Variants in DCX observed in about 807,000 individuals in gnomAD.
DCX encodes doublecortin.
Under a neutral mutation model 20.9 loss-of-function variants are expected in DCX, and 4 were observed. That is an observed-to-expected ratio of 0.19 (90% CI 0.09 to 0.44). DCX has a LOEUF of 0.44. DCX is among the 20% of genes least tolerant of loss of function. The pLI, the probability that DCX is intolerant of heterozygous loss-of-function variation, is 0.99. For missense variants in DCX, 133 were observed against 296.9 expected (o/e 0.45, Z 4.06); for synonymous variants, 103 against 111.4 (o/e 0.92, Z 0.47).
At chrX:111,380,023 G>T (rs1925847955) in intron 3 of DCX, among the ~76,000 whole-genome samples, 1 of 111,006 alleles carries the variant, frequency 9.0e-6, no homozygotes, top group African/African-American at 3.3e-5. Context: ...TTTTAAAATT[G>T]GACTATTATC....
chrX:111,310,606 T>G (rs1252676461), intron 6 of DCX, among the ~76,000 whole-genome samples: 1 of 112,040 alleles, frequency 8.9e-6, no homozygotes, highest in African/African-American at 3.2e-5. Context: ...ATTTAAATGT[T>G]TACTTTATTT....
intron 3 of DCX, among the ~76,000 whole-genome samples, chrX:111,337,827 G>A (rs1425146132): frequency 8.9e-6 from 1 of 112,203 alleles, no homozygotes; most frequent in East Asian, 2.8e-4. Context: ...AACTCTGTAA[G>A]AGATACAGAA....
intron 3 of DCX, among the ~76,000 whole-genome samples, chrX:111,349,298 C>T (rs752365155): frequency 9.0e-6 from 1 of 111,367 alleles, no homozygotes; most frequent in African/African-American, 3.3e-5. Flanking sequence ...GTCGTGGAAT[C>T]CCAGAGGCTT....
In DCX at chrX:111,299,660, C is replaced by T. The variant is rs1489507769; in HGVS notation, c.*2027G>A. On this transcript the variant is annotated 3_prime_UTR_variant, in exon 7 of 7. Coordinates refer to ENST00000636035, the MANE Select transcript of DCX (RefSeq NM_001195553.2). ...TGGGAGGCACTAAGAAAACCCTGAG[C>T]TTCTAGAAAGAAATAGGGGCTTAGT... 1 of 111,471 alleles carries T rather than the reference C, an allele frequency of 9.0e-6. No individual in the cohort carries two copies. Among genetic ancestry groups the T allele is most frequent in the Non-Finnish European group, 1.9e-5 (1 of 53,144 alleles). 9.2% of individuals were successfully genotyped at this position (111,471 alleles called of 1,213,427 possible).
At chrX:111,308,676 C>G (rs1211509875) in intron 6 of DCX, among the ~76,000 whole-genome samples, 1 of 111,370 alleles carries the variant, frequency 9.0e-6, no homozygotes, top group East Asian at 2.8e-4. Context: ...CAAAAGAAGT[C>G]TGGAAACAGA....
At chrX:111,361,225 AC>A (rs1412018542) in intron 3 of DCX, among the ~76,000 whole-genome samples, 1 of 112,416 alleles carries the variant, frequency 8.9e-6, no homozygotes, top group Non-Finnish European at 1.9e-5. Flanking sequence ...AGAAGAGAGA[AC>A]TTTTACATAT....
intron 3 of DCX, among the ~76,000 whole-genome samples, chrX:111,374,665 T>C (rs1378387008): frequency 9.1e-6 from 1 of 110,225 alleles, no homozygotes; most frequent in Non-Finnish European, 1.9e-5. Flanking sequence ...AAGGTATTTC[T>C]CAACTAGCAC....
Position 111,301,473 on chromosome X carries a change from T to C in DCX, c.*214A>G. On this transcript the variant is annotated 3_prime_UTR_variant, in exon 7 of 7. Transcript: ENST00000636035. ...CTGCCCCAAAGGATGGTTATCAATC[T>C]ATCTCTCATAATTGGTAACTGTGGA... is the stretch of plus-strand genomic sequence containing the variant. 2.2e-6 allele frequency: 1 copy of C among 463,345 alleles called. No homozygotes were observed. Among genetic ancestry groups the C allele is most frequent in the South Asian group, 3.2e-5 (1 of 31,586 alleles). The allele number at this position is 463,345 out of a possible 1,213,427, so 38.2% of individuals were successfully genotyped here. A position where few individuals can be genotyped will look rare whatever the true frequency, so the allele number is the denominator to read the frequency against.
At chrX:111,352,837 C>CAGAGAGAGAGAGAG (rs768081351) in intron 3 of DCX, among the ~76,000 whole-genome samples, 7 of 90,145 alleles carry the variant, frequency 7.8e-5, no homozygotes, top group African/African-American at 2.5e-4. Context: ...GACAGACAGA[C>CAGAGAGAGAGAGAG]AGAGAGAGAG....
rs770799939 is a variant in DCX, at chrX:111,312,735, T to G, written c.948A>C (p.Ala316=). 103 of 1,209,215 alleles carry G rather than the reference T, an allele frequency of 8.5e-5. No homozygotes were observed. Among genetic ancestry groups the G allele is most frequent in the Admixed American group, 1.8e-4 (8 of 45,702 alleles). Residue 316 remains alanine, a splice_region_variant and synonymous_variant, in exon 6 of 7, where the codon GCA becomes GCC. Transcript: ENST00000636035. ...SPADSGNDQD[A]NGTSSSQLST... is the part of the protein sequence containing the mutation. ...AGAGCTGGCTGCTGGAGGTTCCGTTTGCTAGCCCAAAGCAAGAGAAAAGGA... is the reference window on the plus strand; with the variant it reads ...AGAGCTGGCTGCTGGAGGTTCCGTTGGCTAGCCCAAAGCAAGAGAAAAGGA...
At chrX:111,354,877 G>A (rs1394693129) in intron 3 of DCX, among the ~76,000 whole-genome samples, 1 of 112,488 alleles carries the variant, frequency 8.9e-6, no homozygotes, top group Non-Finnish European at 1.9e-5. Flanking sequence ...ACCTCTTACT[G>A]AAATAGGTAG....
intron 5 of DCX, among the ~76,000 whole-genome samples, chrX:111,316,528 C>T (rs774467623): frequency 1.8e-5 from 2 of 111,420 alleles, no homozygotes; most frequent in East Asian, 2.8e-4. Context: ...CTTCGCCTGG[C>T]CCCTCTCTCA....
chrX:111,408,650 G>GAAAT (rs772893981), intron 2 of DCX, among the ~76,000 whole-genome samples: 1 of 102,615 alleles, frequency 9.7e-6, no homozygotes, highest in African/African-American at 3.6e-5. Flanking sequence ...AAGAAAGAAA[G>GAAAT]AAAGAAAGAA....
chrX:111,397,828 T>G (rs1381092373), intron 3 of DCX, among the ~76,000 whole-genome samples: 1 of 110,290 alleles, frequency 9.1e-6, no homozygotes, highest in Non-Finnish European at 1.9e-5. Flanking sequence ...TATATATACA[T>G]ACATATACAT....
chrX:111,348,786 A>T, intron 3 of DCX, among the ~76,000 whole-genome samples: 1 of 109,796 alleles, frequency 9.1e-6, no homozygotes, highest in South Asian at 4.0e-4. Context: ...GTTGCATTTA[A>T]CAGTTTCCTG....
intron 3 of DCX, among the ~76,000 whole-genome samples, chrX:111,376,839 C>T (rs1255935941): frequency 6.3e-5 from 7 of 111,972 alleles, no homozygotes; most frequent in Admixed American, 3.8e-4. Flanking sequence ...CAATCCCATA[C>T]AAAATTCATT....
intron 6 of DCX, among the ~76,000 whole-genome samples, chrX:111,310,287 C>T (rs2095054632): frequency 1.8e-5 from 2 of 110,884 alleles, no homozygotes; most frequent in Admixed American, 1.9e-4. Context: ...GAGCCGAGAT[C>T]GTGCCACTGC....
chrX:111,410,390 A>G lies in DCX; in HGVS notation c.9T>C (p.Leu3=), dbSNP rs1928607563. ...CTCTTTCGTCAAAGTGTCCAAAATC[A>G]AGTTCCATATTTTGGTGGAACCTCA... ME[L]DFGHFDERDK... is the part of the protein sequence containing the mutation. Residue 3 remains leucine (L), a synonymous_variant, in exon 2 of 7, where the codon CTT becomes CTC. Transcript: ENST00000636035. The G allele has an allele frequency of 8.3e-7, 1 of 1,210,943 alleles. No homozygotes were observed. Among genetic ancestry groups the G allele is most frequent in the Non-Finnish European group, 1.1e-6 (1 of 895,401 alleles).
At chrX:111,361,417 A>G (rs1459497997) in intron 3 of DCX, among the ~76,000 whole-genome samples, 3 of 112,261 alleles carry the variant, frequency 2.7e-5, no homozygotes, top group African/African-American at 9.7e-5. Context: ...GGGTGATCCC[A>G]TAAAGTTTAC....
Sources: gnomAD v4.1 joint callset for allele counts (sites outside exome capture counted in the v4.1 genomes callset) on GRCh38, gnomAD v4.1.1 for gene constraint, MANE v1.5 for transcripts, NCBI Gene and HGNC (gene_info 2026-07-23, HGNC 2026-07-21) for gene names.